PCDHGA3: variants seen among roughly 807,000 people sequenced by gnomAD.
PCDHGA3 encodes protocadherin gamma subfamily A, 3.
In PCDHGA3, 40 loss-of-function variants were observed where a neutral mutation model predicts 58.5. The ratio of observed to expected loss-of-function variants is 0.68; its 90% CI spans 0.53 to 0.89. The LOEUF (loss-of-function observed/expected upper bound fraction) is 0.89. Among genes scored for constraint, PCDHGA3 ranks in the 40% least tolerant of loss-of-function variants. The pLI is 0.00. For missense variants in PCDHGA3, 1,223 were observed against 1,195.9 expected, an observed-to-expected ratio of 1.02 and a Z score of -0.33; for synonymous variants, 530 against 525.7, an observed-to-expected ratio of 1.01 and a Z score of -0.11.
At chr5:141,457,108 T>C (rs186630889) in intron 1 of PCDHGA3, among the ~76,000 whole-genome samples, 40 of 152,338 alleles carry the variant, frequency 2.6e-4, no homozygotes, top group African/African-American at 9.1e-4. Flanking sequence ...TTAAGCAAAA[T>C]ACGACAGCAA....
At chr5:141,492,404 T>C (rs944864208) in intron 1 of PCDHGA3, among the ~76,000 whole-genome samples, 9 of 152,316 alleles carry the variant, frequency 5.9e-5, no homozygotes, top group African/African-American at 1.9e-4. Context: ...GCAGCTCCCC[T>C]CTGCCGCTCC....
chr5:141,466,683 A>G (rs1347308492), intron 1 of PCDHGA3, among the ~76,000 whole-genome samples: 1 of 152,170 alleles, frequency 6.6e-6, no homozygotes, highest in African/African-American at 2.4e-5. Context: ...CTTCCACTCA[A>G]GCTTCATCAT....
chr5:141,384,201 G>C (rs369190060), intron 1 of PCDHGA3: 30 of 1,613,802 alleles, frequency 1.9e-5, no homozygotes, highest in Non-Finnish European at 2.5e-5. Flanking sequence ...CCTTGTCCAG[G>C]GAAACTCACA....
At chr5:141,494,937 G>A (rs759078748) in intron 2 of PCDHGA3, 72 bp downstream of exon 2, 130 of 1,612,276 alleles carry the variant, frequency 8.1e-5, no homozygotes, top group Non-Finnish European at 1.1e-4. Context: ...GAGGAGATGG[G>A]GGAGGGCCCA....
At chr5:141,361,499 C>A (rs1762048821) in intron 1 of PCDHGA3, 2 of 1,614,066 alleles carry the variant, frequency 1.2e-6, no homozygotes, top group Non-Finnish European at 1.7e-6. Flanking sequence ...TTCCAACAGA[C>A]TTCCTACATG....
intron 1 of PCDHGA3, chr5:141,410,640 G>T: frequency 1.3e-6 from 2 of 1,599,058 alleles, no homozygotes; most frequent in Non-Finnish European, 1.7e-6. Flanking sequence ...TCTTTTTTGT[G>T]TGTGATTTAT....
intron 1 of PCDHGA3, among the ~76,000 whole-genome samples, chr5:141,462,355 A>T (rs1592773702): frequency 6.6e-6 from 1 of 152,226 alleles, no homozygotes; most frequent in East Asian, 1.9e-4. Context: ...AAAAATATAC[A>T]TTGTATAGTT....
chr5:141,495,870 CCT>C (rs1183994771), intron 2 of PCDHGA3, among the ~76,000 whole-genome samples: 2 of 152,100 alleles, frequency 1.3e-5, no homozygotes. Flanking sequence ...TTTCTGCTTT[CCT>C]CTCTGTTCTT....
intron 1 of PCDHGA3, among the ~76,000 whole-genome samples, chr5:141,434,609 G>T (rs189866750): frequency 1.3e-5 from 2 of 151,946 alleles, no homozygotes; most frequent in Non-Finnish European, 2.9e-5. Flanking sequence ...CTTTATTTCC[G>T]CCCATCTCTT....
chr5:141,476,146 G>C lies in PCDHGA3; in HGVS notation c.2425-18661G>C. 1 of 1,611,402 alleles carries C rather than the reference G, an allele frequency of 6.2e-7. No individual in the cohort carries two copies. On this transcript the variant is annotated intron_variant, in intron 1 of 3. Transcript: ENST00000253812. This position sits in a 1 kb window ranked among gnomAD's most constrained non-coding sequence, Gnocchi z 7.6. ...TCCCAGAGGCCTGGAGGAGCGGACT[G>C]GTAAGCACCGGGAGGGTAGTGGGAG...
rs2097372368 is a variant in PCDHGA3 at position 141,431,422 on chromosome 5, G to A, written c.2425-63385G>A. On this transcript the variant is annotated intron_variant, in intron 1 of 3. Coordinates refer to ENST00000253812, the MANE Select transcript of PCDHGA3 (RefSeq NM_018916.4). This position sits in a 1 kb window ranked among gnomAD's most constrained non-coding sequence, Gnocchi z 4.8. ...CGGCCTCCGACGGGGGCGACCCGGTGCGCACAGGCACCGCGCGCATCCGCG... is the reference window on the plus strand; with the variant it reads ...CGGCCTCCGACGGGGGCGACCCGGTACGCACAGGCACCGCGCGCATCCGCG... 6.2e-7 allele frequency: 1 copy of A among 1,613,710 alleles called. No individual in the cohort carries two copies. The highest frequency in any genetic ancestry group is 2.2e-5 in the East Asian group (1 of 44,882).
chr5:141,360,563 G>A (rs1194971714), intron 1 of PCDHGA3: 1 of 1,613,864 alleles, frequency 6.2e-7, no homozygotes, highest in Non-Finnish European at 8.5e-7. Context: ...TTAAAAATTG[G>A]CGAATCCACT....
At chr5:141,396,821 G>A (rs934244827) in intron 1 of PCDHGA3, among the ~76,000 whole-genome samples, 5 of 152,314 alleles carry the variant, frequency 3.3e-5, no homozygotes, top group Middle Eastern at 3.4e-3. Context: ...ACTGTATGGT[G>A]CATATTCAGT....
chr5:141,410,230 C>A (rs759582867), intron 1 of PCDHGA3: 2 of 1,614,006 alleles, frequency 1.2e-6, no homozygotes, highest in South Asian at 2.2e-5. Flanking sequence ...CAGACCTCAG[C>A]GACCGCCCTG....
intron 1 of PCDHGA3, chr5:141,398,820 G>T (rs1376527266): frequency 1.2e-6 from 2 of 1,613,854 alleles, no homozygotes; most frequent in African/African-American, 2.7e-5. Flanking sequence ...TCCGGATCCA[G>T]GTAACCGACG....
At chr5:141,385,000 T>C (rs1271412814) in intron 1 of PCDHGA3, 1 of 1,614,138 alleles carries the variant, frequency 6.2e-7, no homozygotes, top group South Asian at 1.1e-5. Flanking sequence ...GGCCACAGTC[T>C]CCTGCGTCTT....
At chr5:141,407,873 A>C (rs561323423) in intron 1 of PCDHGA3, 1 of 354,804 alleles carries the variant, frequency 2.8e-6, no homozygotes, top group African/African-American at 2.1e-5. Flanking sequence ...CGAAGAATAT[A>C]TACATTTCGG....
In PCDHGA3 at chr5:141,490,175, A is replaced by C; in HGVS notation, c.2425-4632A>C. The C allele has an allele frequency of 1.9e-6, 3 of 1,614,194 alleles. No homozygotes were observed. Among genetic ancestry groups the C allele is most frequent in the East Asian group, 4.5e-5 (2 of 44,884 alleles). On this transcript the variant is annotated intron_variant, in intron 1 of 3. Coordinates refer to ENST00000253812, the MANE Select transcript of PCDHGA3 (RefSeq NM_018916.4). This position sits in a 1 kb window ranked among gnomAD's most constrained non-coding sequence, Gnocchi z 5.4. ...GTGTTGGGTCCCATAGACTTTGAGG[A>C]GTCACGTTTCTATGAAATTCATGCA...
intron 1 of PCDHGA3, chr5:141,398,327 G>C (rs1348307728): frequency 7.4e-7 from 1 of 1,353,452 alleles, no homozygotes; most frequent in Non-Finnish European, 1.0e-6. Flanking sequence ...CGAAAACTGC[G>C]CGTCAGTTCG....
Sources: gnomAD v4.1 joint callset for allele counts (sites outside exome capture counted in the v4.1 genomes callset) on GRCh38, gnomAD v4.1.1 for gene constraint, Gnocchi (gnomAD v3.1) non-coding constraint, MANE v1.5 for transcripts, NCBI Gene and HGNC (gene_info 2026-07-23, HGNC 2026-07-21) for gene names.